DENND1B: variants seen among roughly 807,000 people sequenced by gnomAD.
DENND1B encodes DENN domain containing 1B.
DENND1B carries 59 observed loss-of-function variants against 90.1 expected under a neutral mutation model. That is an observed-to-expected ratio of 0.65 (90% CI 0.53 to 0.81). The LOEUF (loss-of-function observed/expected upper bound fraction) is 0.81, where lower values mean the gene tolerates loss of function less well. Ranked by LOEUF, DENND1B falls within the 40% of genes least tolerant of loss-of-function variation. The probability of loss-of-function intolerance (pLI) is 0.00; values close to 1 mark genes in which losing one functional copy is unlikely to be tolerated. For synonymous variants in DENND1B, 337 were observed against 324.6 expected, an observed-to-expected ratio of 1.04 and a Z score of -0.41; for missense variants, 862 against 912.6, an observed-to-expected ratio of 0.94 and a Z score of 0.71.
Position 197,658,343 on chromosome 1 carries a change from TA to T in DENND1B, c.322del (p.Tyr108ThrfsTer4). On this transcript the variant is annotated frameshift_variant, in exon 6 of 23. Transcript: ENST00000620048. LOFTEE classifies it high-confidence loss of function. ...ATCTGCAAGAGTATTTAGAAGCTTG[TA>T]ATACACTTCAAACCAGGGAAGGTAA... Reference protein sequence around the residue: ...LSYLPWFEVYYKLLNTLADYL... With the variant: ...LSYLPWFEVYXKLLNTLADYL... 6.2e-7 allele frequency: 1 copy of T among 1,609,036 alleles called. No individual in the cohort carries two copies. The highest frequency in any genetic ancestry group is 8.5e-7 in the Non-Finnish European group (1 of 1,176,918).
At chr1:197,520,554 G>A (rs924033820) in intron 20 of DENND1B, among the ~76,000 whole-genome samples, 8 of 151,860 alleles carry the variant, frequency 5.3e-5, no homozygotes, top group African/African-American at 1.9e-4. Context: ...GATCAAATAA[G>A]AAGGTATAGA....
At chr1:197,603,356 G>A (rs1484471842) in intron 13 of DENND1B, among the ~76,000 whole-genome samples, 2 of 151,058 alleles carry the variant, frequency 1.3e-5, no homozygotes, top group South Asian at 2.1e-4. Context: ...ACTGTTTCGG[G>A]CACAGGCCTG....
chr1:197,750,189 AG>A (rs1242034053), intron 2 of DENND1B, among the ~76,000 whole-genome samples: 7 of 152,184 alleles, frequency 4.6e-5, no homozygotes, highest in Non-Finnish European at 8.8e-5. Flanking sequence ...TGACAGCAAT[AG>A]CACAAAGGAA....
At chr1:197,594,588 T>C (rs1675523933) in intron 14 of DENND1B, among the ~76,000 whole-genome samples, 1 of 152,080 alleles carries the variant, frequency 6.6e-6, no homozygotes, top group Non-Finnish European at 1.5e-5. Flanking sequence ...TAACCAACAA[T>C]TCAGAGAGAG....
At chr1:197,539,809 AG>A (rs1475291131) in intron 20 of DENND1B, among the ~76,000 whole-genome samples, 154 bp downstream of exon 20, 1 of 152,206 alleles carries the variant, frequency 6.6e-6, no homozygotes, top group Non-Finnish European at 1.5e-5. Context: ...ATCCCCTTGT[AG>A]CCTTCCCAGG....
intron 2 of DENND1B, among the ~76,000 whole-genome samples, chr1:197,731,786 T>C (rs533827461): frequency 9.2e-5 from 14 of 152,278 alleles, no homozygotes; most frequent in Non-Finnish European, 1.3e-4. Flanking sequence ...CCTGGCCACA[T>C]GCAGCCTGCA....
intron 2 of DENND1B, among the ~76,000 whole-genome samples, chr1:197,765,870 T>C (rs1365679694): frequency 6.6e-6 from 1 of 152,218 alleles, no homozygotes. Context: ...GCAACACACC[T>C]ATGAAAGTAA....
chr1:197,539,733 TG>T (rs1051958539), intron 20 of DENND1B, among the ~76,000 whole-genome samples: 210 of 152,274 alleles, frequency 1.4e-3, no homozygotes, highest in African/African-American at 4.7e-3. Context: ...CACTGGACTA[TG>T]AGATCTATGA....
intron 5 of DENND1B, among the ~76,000 whole-genome samples, chr1:197,659,119 G>A (rs984334157): frequency 1.3e-5 from 2 of 151,212 alleles, no homozygotes; most frequent in East Asian, 3.9e-4. Context: ...ATACACTGTT[G>A]TTAATTATCA....
chr1:197,700,116 A>AT (rs1658875087), intron 3 of DENND1B, among the ~76,000 whole-genome samples: 1 of 152,202 alleles, frequency 6.6e-6, no homozygotes, highest in Non-Finnish European at 1.5e-5. Context: ...ACTATTTTAA[A>AT]TTTCATACGG....
rs145875141 is a variant in DENND1B, at chr1:197,649,150, TG to T, written c.448-2037del. ...GCTTTAGTCCAAAAGGAAAGCATGATGTTCATTCAAGAAGCTGAACAAAACA... is the reference window on the plus strand; with the variant it reads ...GCTTTAGTCCAAAAGGAAAGCATGATTTCATTCAAGAAGCTGAACAAAACA... On this transcript the variant is annotated intron_variant, in intron 7 of 22. Coordinates refer to ENST00000620048, the MANE Select transcript of DENND1B (RefSeq NM_001195215.2). Among the ~76,000 whole-genome samples the T allele has an allele frequency of 8.4e-3, 1,274 of 152,288 alleles. 16 individuals carry two copies. Among genetic ancestry groups the T allele is most frequent in the African/African-American group, 0.028 (1,170 of 41,570 alleles).
rs190788852 is a variant in DENND1B at position 197,752,962 on chromosome 1, A to T, written c.82+19906T>A. 4.4e-3 allele frequency among the ~76,000 whole-genome samples: 664 copies of T among 152,042 alleles called. 16 individuals are homozygous for T. The highest frequency in any genetic ancestry group is 0.015 in the African/African-American group (622 of 41,340). On this transcript the variant is annotated intron_variant, in intron 2 of 22. Transcript: ENST00000620048. ...ATCCATGTCCCTGCAAAGGACATGA[A>T]CTCATCCTTTTTTATGGCTGTGTAC...
chr1:197,776,613 AGT>A (rs143352189), upstream of DENND1B, among the ~76,000 whole-genome samples: 1,179 of 152,350 alleles, frequency 7.7e-3, 11 homozygotes, highest in African/African-American at 0.024. Context: ...GTATGAATGT[AGT>A]GTGAGTCATA....
At chr1:197,669,902 T>A (rs1452384457) in intron 5 of DENND1B, among the ~76,000 whole-genome samples, 1 of 152,122 alleles carries the variant, frequency 6.6e-6, no homozygotes, top group Non-Finnish European at 1.5e-5. Context: ...TATCTTTATC[T>A]AATATAATCA....
chr1:197,773,101 A>T (rs1201971891), intron 1 of DENND1B, 169 bp from the exon 2 acceptor site: 2 of 648,704 alleles, frequency 3.1e-6, no homozygotes, highest in Non-Finnish European at 5.4e-6. Flanking sequence ...CAATTGAGCA[A>T]CTTAAAAGAG....
intron 4 of DENND1B, among the ~76,000 whole-genome samples, chr1:197,672,949 C>A (rs890066319): frequency 1.3e-5 from 2 of 151,918 alleles, no homozygotes; most frequent in African/African-American, 4.8e-5. Context: ...CATAACCGAA[C>A]TTTTGCTTCC....
chr1:197,713,801 T>TTATA (rs1660242507), intron 3 of DENND1B, among the ~76,000 whole-genome samples: 1 of 32,586 alleles, frequency 3.1e-5, no homozygotes, highest in East Asian at 1.6e-3. Context: ...TATTATTATA[T>TTATA]TATAATATAT....
At chr1:197,667,710 T>G (rs1279019684) in intron 5 of DENND1B, among the ~76,000 whole-genome samples, 1 of 152,174 alleles carries the variant, frequency 6.6e-6, no homozygotes, top group African/African-American at 2.4e-5. Context: ...CCAATTCCAT[T>G]CTTAATTCTG....
intron 2 of DENND1B, among the ~76,000 whole-genome samples, chr1:197,744,260 G>A (rs1262170086): frequency 6.6e-6 from 1 of 152,144 alleles, no homozygotes; most frequent in Admixed American, 6.5e-5. Context: ...ATTTTTCAAT[G>A]TGCTTTGCCA....
Sources: allele counts gnomAD v4.1 joint callset (sites outside exome capture counted in the v4.1 genomes callset), GRCh38; gene constraint gnomAD v4.1.1; transcripts MANE v1.5; gene names NCBI Gene and HGNC (gene_info 2026-07-23, HGNC 2026-07-21).